RECQL: variants seen among roughly 807,000 people sequenced by gnomAD.
RECQL encodes the protein RecQ like helicase.
Under a neutral mutation model 75.8 loss-of-function variants are expected in RECQL, and 73 were observed. The observed-to-expected ratio is 0.96, with a 90% confidence interval of 0.80 to 1.17. RECQL has a LOEUF of 1.17. Among genes scored for constraint, RECQL ranks in the 50% most tolerant of loss-of-function variants. The probability of loss-of-function intolerance (pLI) is 0.00; values close to 1 mark genes in which losing one functional copy is unlikely to be tolerated. For synonymous variants in RECQL, 248 were observed against 254.4 expected, an observed-to-expected ratio of 0.97 and a Z score of 0.24; for missense variants, 699 against 772.1, an observed-to-expected ratio of 0.91 and a Z score of 1.12.
intron 4 of RECQL, among the ~76,000 whole-genome samples, chr12:21,488,704 C>A (rs999110440): frequency 2.0e-5 from 3 of 152,114 alleles, no homozygotes; most frequent in Non-Finnish European, 4.4e-5. Flanking sequence ...TCCTTTCCCC[C>A]CAAGCAATAA....
Position 21,473,592 on chromosome 12 carries a change from T to C in RECQL, c.1406A>G (p.Glu469Gly). The change falls in exon 12 of 15, where the codon GAA becomes GGA. Residue 469 changes from glutamate to glycine, a missense_variant. Glu to Gly is a moderately conservative substitution (Grantham distance 98, BLOSUM62 -2). Coordinates refer to ENST00000444129, the MANE Select transcript of RECQL (RefSeq NM_002907.4). ...AQHFDEVWNSEACNKMCDNCC... is the reference protein window; with the variant it reads ...AQHFDEVWNSGACNKMCDNCC... ...GTTATCGCACATTTTGTTACATGCT[T>C]CTGAGTTCCATACTTCATCAAAATG... 6.2e-7 allele frequency: 1 copy of C among 1,612,944 alleles called. No individual in the cohort carries two copies. The highest frequency in any genetic ancestry group is 8.5e-7 in the Non-Finnish European group (1 of 1,179,274).
At chr12:21,483,227 C>G (rs1317093352) in intron 6 of RECQL, 149 bp downstream of exon 6, 9 of 643,628 alleles carry the variant, frequency 1.4e-5, no homozygotes, top group African/African-American at 1.2e-4. Context: ...AATTTAAAAC[C>G]CTTTTGGTTC....
At chr12:21,487,195 A>G (rs1943321985) in intron 4 of RECQL, among the ~76,000 whole-genome samples, 1 of 152,222 alleles carries the variant, frequency 6.6e-6, no homozygotes. Flanking sequence ...CGTTTTAAAT[A>G]ATCACTATTG....
intron 2 of RECQL, among the ~76,000 whole-genome samples, chr12:21,497,445 A>T (rs1262024214): frequency 6.6e-6 from 1 of 152,216 alleles, no homozygotes; most frequent in Non-Finnish European, 1.5e-5. Flanking sequence ...GGAGATGGAA[A>T]ATTCTCCCAG....
chr12:21,474,607 A>G (rs1421493116), intron 11 of RECQL, among the ~76,000 whole-genome samples: 4 of 152,078 alleles, frequency 2.6e-5, no homozygotes, highest in Non-Finnish European at 5.9e-5. Flanking sequence ...ATGTGTCTCA[A>G]AAACCTTCAA....
Position 21,471,146 on chromosome 12 carries a change from G to A in RECQL, c.1668-48C>T, listed in dbSNP as rs549513342. ...ATAAGAAAGCTTTTGAAGGAATCAC[G>A]GAAAACAAATTTATAAAAGAAATAA... On this transcript the variant is annotated intron_variant, in intron 13 of 14. Transcript: ENST00000444129. The A allele has an allele frequency of 2.2e-5, 33 of 1,512,850 alleles. No individual in the cohort carries two copies. The South Asian group carries it at 2.9e-4, about 13-fold the overall frequency. The allele number at this position is 1,512,850 out of a possible 1,614,324, so 93.7% of individuals were successfully genotyped here.
Position 21,470,951 on chromosome 12 carries a change from AAATT to A in RECQL, c.1797+14_1797+17del, listed in dbSNP as rs71582883. 0.041 allele frequency: 59,540 copies of A among 1,462,988 alleles called. 1,379 individuals are homozygous for A. The highest frequency in any genetic ancestry group is 0.081 in the Middle Eastern group (444 of 5,486). The allele number at this position is 1,462,988 out of a possible 1,614,324, so 90.6% of individuals were successfully genotyped here. On this transcript the variant is annotated intron_variant, in intron 14 of 14. Transcript: ENST00000444129. ...TACTTTTTAAAATATATAAAACTGA[AAATT>A]AATAGCCATTTACCCTGAAAGAGTT... is the stretch of plus-strand genomic sequence containing the variant.
At chr12:21,473,446 G>C in intron 12 of RECQL, 105 bp downstream of exon 12, 1 of 833,916 alleles carries the variant, frequency 1.2e-6, no homozygotes, top group Non-Finnish European at 2.0e-6. Flanking sequence ...TTTGATGTTT[G>C]CACAATGACA....
At chr12:21,488,357 T>A (rs1245466458) in intron 4 of RECQL, among the ~76,000 whole-genome samples, 1 of 152,204 alleles carries the variant, frequency 6.6e-6, no homozygotes, top group Non-Finnish European at 1.5e-5. Flanking sequence ...TCTCTGTTTA[T>A]CCCTAAACTC....
intron 3 of RECQL, among the ~76,000 whole-genome samples, chr12:21,490,629 T>C (rs1463984810): frequency 6.6e-6 from 1 of 152,178 alleles, no homozygotes; most frequent in Non-Finnish European, 1.5e-5. Flanking sequence ...GAGGATTACT[T>C]GAGCTCAGGA....
At chr12:21,490,403 G>A (rs750615909) in intron 3 of RECQL, 25 bp from the exon 4 acceptor site, 5 of 1,482,168 alleles carry the variant, frequency 3.4e-6, no homozygotes, top group Non-Finnish European at 4.7e-6. Context: ...TTAAGAATCA[G>A]ACAAACATGT....
At chr12:21,499,189 C>T (rs1039079640) in intron 2 of RECQL, among the ~76,000 whole-genome samples, 9 of 152,184 alleles carry the variant, frequency 5.9e-5, no homozygotes, top group African/African-American at 2.2e-4. Context: ...TATATGATTC[C>T]ATTTATATGA....
intron 12 of RECQL, among the ~76,000 whole-genome samples, chr12:21,471,874 A>T (rs556876991): frequency 4.6e-5 from 7 of 151,324 alleles, no homozygotes; most frequent in African/African-American, 1.5e-4. Context: ...TGATATATAT[A>T]AAAAAAAATT....
At position 21,486,482 on chromosome 12, in the gene RECQL, AGAACT is replaced by A. The variant is rs1565570957; in HGVS notation, c.493_497del (p.Ser165Ter). The A allele has an allele frequency of 6.3e-7, 1 of 1,581,950 alleles. No individual in the cohort carries two copies. Among genetic ancestry groups the A allele is most frequent in the Non-Finnish European group, 8.5e-7 (1 of 1,169,932 alleles). On this transcript the variant is annotated frameshift_variant, in exon 5 of 15. Coordinates refer to ENST00000444129, the MANE Select transcript of RECQL (RefSeq NM_002907.4). LOFTEE classifies it high-confidence loss of function. ...AAAAAAAGCCACTGAAACATACCTT[AGAACT>A]AGAAGCATTTAACATGGTTGCTGAA... is the stretch of plus-strand genomic sequence containing the variant.
At chr12:21,488,486 A>C (rs994922107) in intron 4 of RECQL, among the ~76,000 whole-genome samples, 3 of 152,306 alleles carry the variant, frequency 2.0e-5, no homozygotes, top group Admixed American at 2.0e-4. Flanking sequence ...CTCTAACACC[A>C]GGCTTTAGAC....
At chr12:21,499,080 G>A (rs1277129045) in intron 2 of RECQL, among the ~76,000 whole-genome samples, 2 of 152,168 alleles carry the variant, frequency 1.3e-5, no homozygotes, top group Admixed American at 1.3e-4. Flanking sequence ...AGGGGTCAGT[G>A]TATACTCAGC....
intron 7 of RECQL, among the ~76,000 whole-genome samples, chr12:21,477,566 T>C (rs138976270): frequency 2.3e-4 from 35 of 152,320 alleles, no homozygotes; most frequent in African/African-American, 8.2e-4. Flanking sequence ...TATGACTTAC[T>C]CATATGTTTT....
intron 6 of RECQL, among the ~76,000 whole-genome samples, chr12:21,478,312 G>A (rs1472582195): frequency 6.6e-6 from 1 of 152,102 alleles, no homozygotes; most frequent in Non-Finnish European, 1.5e-5. Flanking sequence ...GCACTGCTTT[G>A]TATATAACCT....
Position 21,477,918 on chromosome 12 carries a change from A to G in RECQL, c.752T>C (p.Ile251Thr), listed in dbSNP as rs754144646. Reference sequence around the variant, plus strand: ...ATTTGTTGCAGTTGCAGTCAGCCCAATTAGTGATGCGTTAGGGAACTGCCG... The same window carrying G: ...ATTTGTTGCAGTTGCAGTCAGCCCAGTTAGTGATGCGTTAGGGAACTGCCG... ...LKRQFPNASL[I>T]GLTATATNHV... The change falls in exon 7 of 15, where the codon ATT (isoleucine) becomes ACT (threonine). Residue 251 changes from isoleucine (I) to threonine (T), a missense_variant. By Grantham distance (89) the Ile-to-Thr change is moderately conservative. Coordinates refer to ENST00000444129, the MANE Select transcript of RECQL (RefSeq NM_002907.4). 2.5e-6 allele frequency: 4 copies of G among 1,613,884 alleles called. No homozygotes were observed. The highest frequency in any genetic ancestry group is 1.1e-5 in the South Asian group (1 of 90,994).
Sources: gnomAD v4.1 joint callset for allele counts (sites outside exome capture counted in the v4.1 genomes callset) on GRCh38, gnomAD v4.1.1 for gene constraint, MANE v1.5 for transcripts, NCBI Gene and HGNC (gene_info 2026-07-23, HGNC 2026-07-21) for gene names.